TNS1: variants seen among roughly 807,000 people sequenced by gnomAD.
The protein encoded by TNS1 is tensin 1, also known as tensin-1.
Under a neutral mutation model 168.6 loss-of-function variants are expected in TNS1, and 62 were observed. The observed-to-expected ratio is 0.37, with a 90% CI of 0.30 to 0.45. The LOEUF is 0.45. Among genes scored for constraint, TNS1 ranks in the 20% least tolerant of loss-of-function variants. The pLI is 1.00. For missense variants in TNS1, 2,240 were observed against 2,339.4 expected (o/e 0.96, Z 0.88); for synonymous variants, 934 against 933.2 (o/e 1.00, Z -0.02).
chr2:218,014,858 GGGAAGGAAGGACGGAAGGAAGGAA>G (rs746170472), upstream of TNS1, among the ~76,000 whole-genome samples: 307 of 136,174 alleles, frequency 2.3e-3, 2 homozygotes, highest in East Asian at 5.1e-3. Context: ...GATTGCAGGA[GGGAAGGAAGGACGGAAGGAAGGAA>G]GGAAGGAAGG....
At chr2:217,816,700 A>G (rs1423576247) in intron 24 of TNS1, among the ~76,000 whole-genome samples, 7 of 152,254 alleles carry the variant, frequency 4.6e-5, no homozygotes, top group Admixed American at 4.6e-4. Context: ...GAAGTGTCCC[A>G]GCTACTAGAA....
At chr2:217,922,989 C>T (rs114352322) in intron 3 of TNS1, among the ~76,000 whole-genome samples, 2,232 of 152,296 alleles carry the variant, frequency 0.015, 21 homozygotes, top group Middle Eastern at 0.034. Flanking sequence ...GCCTTCTCTC[C>T]GGCACCCTGG....
chr2:217,926,136 C>T (rs1166898111), intron 3 of TNS1, among the ~76,000 whole-genome samples: 2 of 152,142 alleles, frequency 1.3e-5, no homozygotes. Flanking sequence ...AGGGAGAAGG[C>T]GGCATCTCCA....
chr2:217,965,301 C>A (rs1377871832), intron 3 of TNS1, among the ~76,000 whole-genome samples: 1 of 152,214 alleles, frequency 6.6e-6, no homozygotes, highest in African/African-American at 2.4e-5. Flanking sequence ...TCCCACCAAC[C>A]TTGCAAGGTC....
In TNS1 at chr2:217,848,227, T is replaced by C; in HGVS notation, c.2290A>G (p.Ser764Gly). ...LPPAPVRGGS[S>G]REAVQRGLNS... ...AGTCCCCTTTGCACAGCCTCCCGGCTGCTTCCCCCTCGGACCGGAGCTGGG... is the reference window on the plus strand; with the variant it reads ...AGTCCCCTTTGCACAGCCTCCCGGCCGCTTCCCCCTCGGACCGGAGCTGGG... Residue 764 changes from serine (S) to glycine (G), a missense_variant, in exon 19 of 33, where the codon AGC becomes GGC. Ser to Gly is a moderately conservative substitution (Grantham distance 56). This residue lies in a region of TNS1 where 2,131 missense variants were observed against 2,171.2 expected (regional missense o/e 0.98). Transcript: ENST00000682258. 1 of 1,580,220 alleles carries C rather than the reference T, an allele frequency of 6.3e-7. No homozygotes were observed. Among genetic ancestry groups the C allele is most frequent in the Non-Finnish European group, 8.6e-7 (1 of 1,163,920 alleles).
At chr2:217,949,297 T>C (rs1957187245) in intron 3 of TNS1, among the ~76,000 whole-genome samples, 1 of 152,168 alleles carries the variant, frequency 6.6e-6, no homozygotes, top group Non-Finnish European at 1.5e-5. Context: ...AACCCCTGTC[T>C]CCCCTGAGAA....
Position 217,830,130 on chromosome 2 carries a change from C to T in TNS1, c.3373+1325G>A, listed in dbSNP as rs761746891. Reference sequence around the variant, plus strand: ...CACCCTGCAAAGGACCCCAAGGCTCCGAGGCATAGTTGAGTCCCCGGCTCT... The same window carrying T: ...CACCCTGCAAAGGACCCCAAGGCTCTGAGGCATAGTTGAGTCCCCGGCTCT... On this transcript the variant is annotated intron_variant, in intron 22 of 32. Transcript: ENST00000682258. 171 of 491,696 alleles carry T rather than the reference C, an allele frequency of 3.5e-4. 1 individual carries two copies. Among genetic ancestry groups the T allele is most frequent in the Non-Finnish European group, 4.1e-4 (157 of 378,888 alleles). The allele number at this position is 491,696 out of a possible 1,614,324, so 30.5% of individuals were successfully genotyped here. A position where few individuals can be genotyped will look rare whatever the true frequency, so the allele number is the denominator to read the frequency against.
chr2:217,850,286 TG>T lies in TNS1; in HGVS notation c.1430-1200del. On this transcript the variant is annotated intron_variant, in intron 18 of 32. Transcript: ENST00000682258. ...CAGAGGGGACACGCTTTTCCTATGCTGGAGGATGGGGGGCATATAGGGTGCT... is the reference window on the plus strand; with the variant it reads ...CAGAGGGGACACGCTTTTCCTATGCTGAGGATGGGGGGCATATAGGGTGCT... The T allele has an allele frequency of 3.0e-6, 3 of 985,136 alleles. 1 individual carries two copies. The African/African-American group carries it at 5.2e-5, about 17-fold the overall frequency. The allele number at this position is 985,136 out of a possible 1,614,324, so 61.0% of individuals were successfully genotyped here.
intron 6 of TNS1, among the ~76,000 whole-genome samples, 156 bp downstream of exon 6, chr2:217,906,179 C>T (rs1293252210): frequency 1.3e-5 from 2 of 152,330 alleles, no homozygotes; most frequent in Non-Finnish European, 2.9e-5. Context: ...GAGGCCCAGC[C>T]TGTAAGGAAA....
At chr2:218,031,841 A>G (rs1958902466) in intron 1 of TNS1, among the ~76,000 whole-genome samples, 1 of 152,220 alleles carries the variant, frequency 6.6e-6, no homozygotes, top group Non-Finnish European at 1.5e-5. Flanking sequence ...GTCTAACCTC[A>G]GTAGTTCTCC....
rs940958915 is a variant in TNS1 at position 217,948,997 on chromosome 2, T to C, written c.187-28761A>G. On this transcript the variant is annotated intron_variant, in intron 3 of 32. Coordinates refer to ENST00000682258, the MANE Select transcript of TNS1 (RefSeq NM_001387777.1). The surrounding 1 kb of genome is among the most constrained non-coding windows in gnomAD (Gnocchi z 4.1). ...AAAGGGAAGGAGAGTCGGGGGAAAA[T>C]GGCCCACCAACAGCTTATCCCCAAG... Among the ~76,000 whole-genome samples the C allele has an allele frequency of 6.6e-6, 1 of 151,912 alleles. No individual in the cohort carries two copies. Among genetic ancestry groups the C allele is most frequent in the African/African-American group, 2.4e-5 (1 of 41,318 alleles).
intron 3 of TNS1, among the ~76,000 whole-genome samples, chr2:217,935,048 C>T (rs1432381101): frequency 1.3e-5 from 2 of 152,252 alleles, no homozygotes; most frequent in African/African-American, 4.8e-5. Flanking sequence ...GACGCCCCTG[C>T]CACAGGTCCT....
At chr2:217,830,453 G>A (rs1944256396) in intron 22 of TNS1, 3 of 1,590,470 alleles carry the variant, frequency 1.9e-6, no homozygotes, top group Non-Finnish European at 2.6e-6. Flanking sequence ...AGAGTCCAGG[G>A]AGCAGCTTTC....
intron 3 of TNS1, among the ~76,000 whole-genome samples, chr2:217,923,695 C>T (rs1336959443): frequency 6.6e-6 from 1 of 152,222 alleles, no homozygotes; most frequent in Non-Finnish European, 1.5e-5. Context: ...AGCTTAGTTA[C>T]TGTACCAAGC....
At chr2:217,820,503 G>T (rs1574622418) in intron 23 of TNS1, among the ~76,000 whole-genome samples, 1 of 152,118 alleles carries the variant, frequency 6.6e-6, no homozygotes, top group South Asian at 2.1e-4. Context: ...TGCAGGGGAG[G>T]CTCAGCATTG....
At chr2:217,941,163 T>A (rs1000250482) in intron 3 of TNS1, among the ~76,000 whole-genome samples, 2 of 152,180 alleles carry the variant, frequency 1.3e-5, no homozygotes, top group African/African-American at 2.4e-5. Context: ...TGGTCTACTA[T>A]CTCCAGGCTG....
At chr2:217,851,612 G>A (rs540344131) in intron 18 of TNS1, among the ~76,000 whole-genome samples, 233 of 152,208 alleles carry the variant, frequency 1.5e-3, no homozygotes, top group African/African-American at 5.3e-3. Context: ...GCAGCCCAGG[G>A]CCCAGGGCCC....
chr2:217,861,854 CT>C (rs1948813435), intron 18 of TNS1, among the ~76,000 whole-genome samples: 1 of 152,254 alleles, frequency 6.6e-6, no homozygotes, highest in South Asian at 2.1e-4. Flanking sequence ...CCTGTGCCCC[CT>C]GAGCAGTACC....
intron 6 of TNS1, among the ~76,000 whole-genome samples, chr2:217,904,116 C>T (rs1953369394): frequency 6.6e-6 from 1 of 152,208 alleles, no homozygotes; most frequent in Non-Finnish European, 1.5e-5. Context: ...CCCATTCCTA[C>T]ATCTCCTCTG....
Sources: gnomAD v4.1 joint callset for allele counts (sites outside exome capture counted in the v4.1 genomes callset) on GRCh38, gnomAD v4.1.1 for gene constraint, gnomAD v4.1.1 regional missense constraint, Gnocchi (gnomAD v3.1) non-coding constraint, MANE v1.5 for transcripts, NCBI Gene and HGNC (gene_info 2026-07-23, HGNC 2026-07-21) for gene names.